TNFSF4: variants seen among roughly 807,000 people sequenced by gnomAD.
TNFSF4 encodes TNF superfamily member 4, also known as tumor necrosis factor ligand superfamily member 4.
TNFSF4 carries 4 observed loss-of-function variants against 7.3 expected under a neutral mutation model. The ratio of observed to expected loss-of-function variants is 0.55; its 90% CI spans 0.27 to 1.25. The LOEUF (loss-of-function observed/expected upper bound fraction) is 1.25. Among genes scored for constraint, TNFSF4 ranks in the 50% most tolerant of loss-of-function variants. The pLI is 0.12. For synonymous variants in TNFSF4, 76 were observed against 83.7 expected, an observed-to-expected ratio of 0.91 and a Z score of 0.50; for missense variants, 181 against 208.8, an observed-to-expected ratio of 0.87 and a Z score of 0.82.
intron 1 of TNFSF4, chr1:173,205,536 T>G: frequency 7.4e-7 from 1 of 1,357,504 alleles, no homozygotes; most frequent in South Asian, 1.8e-5. Context: ...TAGCCTTGAA[T>G]GGAGCCATGT....
chr1:173,405,678 T>A, the TNFSF4 span, among the ~76,000 whole-genome samples: 12 of 152,234 alleles, frequency 7.9e-5, no homozygotes, highest in African/African-American at 2.7e-4. Context: ...TACAACTCAT[T>A]TAAATTAAAT....
chr1:173,311,106 T>G, the TNFSF4 span, among the ~76,000 whole-genome samples: 2 of 152,070 alleles, frequency 1.3e-5, no homozygotes, highest in African/African-American at 4.8e-5. Context: ...CCATTTACTT[T>G]TAATGTTGTT....
At chr1:173,377,889 C>G in the TNFSF4 span, among the ~76,000 whole-genome samples, 1 of 152,212 alleles carries the variant, frequency 6.6e-6, no homozygotes, top group Non-Finnish European at 1.5e-5. Context: ...GATCCCTCCC[C>G]TCCCTCAGGG....
At chr1:173,281,098 G>A in the TNFSF4 span, among the ~76,000 whole-genome samples, 7 of 152,050 alleles carry the variant, frequency 4.6e-5, no homozygotes, top group African/African-American at 1.2e-4. Flanking sequence ...GTTCATAAGC[G>A]TGATAATTGG....
At chr1:173,247,749 T>A in the TNFSF4 span, among the ~76,000 whole-genome samples, 1 of 152,206 alleles carries the variant, frequency 6.6e-6, no homozygotes, top group Non-Finnish European at 1.5e-5. Context: ...TTGATCCTAC[T>A]TGTCATTCAA....
the TNFSF4 span, among the ~76,000 whole-genome samples, chr1:173,323,941 G>A: frequency 4.6e-5 from 7 of 152,198 alleles, no homozygotes; most frequent in East Asian, 1.3e-3. Flanking sequence ...ACACTCTGCA[G>A]GATATTGTCC....
chr1:173,215,438 A>T, the TNFSF4 span, among the ~76,000 whole-genome samples: 2,817 of 152,204 alleles, frequency 0.019, 93 homozygotes, highest in African/African-American at 0.063. Flanking sequence ...TGGTAACAAG[A>T]ATTTTACCTA....
chr1:173,202,983 C>T (rs1650010555), intron 1 of TNFSF4, among the ~76,000 whole-genome samples: 1 of 152,144 alleles, frequency 6.6e-6, no homozygotes. Context: ...TCTCATCTTC[C>T]CATTGTCCCT....
the TNFSF4 span, among the ~76,000 whole-genome samples, chr1:173,351,044 G>A: frequency 6.6e-6 from 1 of 152,104 alleles, no homozygotes; most frequent in Non-Finnish European, 1.5e-5. Context: ...ATTTTCTATG[G>A]CTAAAAAATA....
At chr1:173,281,603 G>C in the TNFSF4 span, among the ~76,000 whole-genome samples, 1 of 152,050 alleles carries the variant, frequency 6.6e-6, no homozygotes, top group Non-Finnish European at 1.5e-5. Context: ...ACATAAGAAA[G>C]CTATAATGGC....
chr1:173,393,580 T>C, the TNFSF4 span, among the ~76,000 whole-genome samples: 12 of 152,372 alleles, frequency 7.9e-5, no homozygotes, highest in African/African-American at 2.2e-4. Context: ...CTTGAGATTC[T>C]GCTACACTTT....
At chr1:173,413,063 G>A in the TNFSF4 span, among the ~76,000 whole-genome samples, 1 of 152,204 alleles carries the variant, frequency 6.6e-6, no homozygotes, top group Non-Finnish European at 1.5e-5. Context: ...AAAATGGACA[G>A]AGGAGGGAAT....
chr1:173,259,324 A>G, the TNFSF4 span, among the ~76,000 whole-genome samples: 2 of 152,046 alleles, frequency 1.3e-5, no homozygotes, highest in Admixed American at 1.3e-4. Flanking sequence ...AAAAGACCCC[A>G]AAAAAACCCC....
the TNFSF4 span, among the ~76,000 whole-genome samples, chr1:173,212,428 C>T: frequency 6.6e-6 from 1 of 152,158 alleles, no homozygotes; most frequent in Non-Finnish European, 1.5e-5. Context: ...CCATTACTTT[C>T]TATGATAGGA....
chr1:173,368,368 C>G, the TNFSF4 span, among the ~76,000 whole-genome samples: 12 of 152,182 alleles, frequency 7.9e-5, no homozygotes, highest in African/African-American at 2.9e-4. Context: ...ACAAAACCAC[C>G]AGCAGAACCA....
the TNFSF4 span, chr1:173,418,395 A>G: frequency 2.6e-5 from 4 of 152,180 alleles, no homozygotes; most frequent in Admixed American, 2.6e-4. Context: ...TTCTTATTAC[A>G]TCCCGGAAAC....
chr1:173,360,290 T>C, the TNFSF4 span, among the ~76,000 whole-genome samples: 4 of 152,246 alleles, frequency 2.6e-5, no homozygotes, highest in Admixed American at 2.0e-4. Context: ...CTGTGCCTTA[T>C]GGAATGAGAG....
At chr1:173,220,644 C>G in the TNFSF4 span, among the ~76,000 whole-genome samples, 1 of 152,030 alleles carries the variant, frequency 6.6e-6, no homozygotes, top group Non-Finnish European at 1.5e-5. Context: ...AGTGCCCTTA[C>G]TAGAAAAGAC....
the TNFSF4 span, among the ~76,000 whole-genome samples, chr1:173,442,545 G>GTTTTTTTTTTTTTTTTTTTTT: frequency 3.0e-4 from 28 of 93,466 alleles, 12 homozygotes; most frequent in Non-Finnish European, 3.3e-4. Flanking sequence ...TTTCGTTTTT[G>GTTTTTTTTTTTTTTTTTTTTT]TTTTTGTTTT....
Sources: allele counts gnomAD v4.1 joint callset (sites outside exome capture counted in the v4.1 genomes callset), GRCh38; gene constraint gnomAD v4.1.1; transcripts MANE v1.5; gene names NCBI Gene and HGNC (gene_info 2026-07-23, HGNC 2026-07-21).